Variants in POM121 observed in about 807,000 individuals in gnomAD.
POM121 encodes POM121 transmembrane nucleoporin.
Under a neutral mutation model 81.3 loss-of-function variants are expected in POM121, and 32 were observed. That is an observed-to-expected ratio of 0.39 (90% CI 0.30 to 0.53). The LOEUF (loss-of-function observed/expected upper bound fraction) is 0.53, where lower values mean the gene tolerates loss of function less well. POM121 is among the 20% of genes least tolerant of loss of function. The pLI, the probability that POM121 is intolerant of heterozygous loss-of-function variation, is 0.66. For synonymous variants in POM121, 514 were observed against 694.2 expected, an observed-to-expected ratio of 0.74 and a Z score of 4.08; for missense variants, 1,138 against 1,614.6, an observed-to-expected ratio of 0.70 and a Z score of 5.06.
chr7:72,943,407 C>T lies in POM121; in HGVS notation c.3414C>T (p.Ala1138=), dbSNP rs782049615. Residue 1138 remains alanine (A), a synonymous_variant, in exon 11 of 13, where the codon GCC becomes GCT. Coordinates refer to ENST00000434423, the MANE Select transcript of POM121 (RefSeq NM_001387691.1). ...GAGCAGGACAGAGTGGGAGCACAGC[C>T]ACCTCCACCCCCTTCGCAGGGGGCT... ...SFGAGQSGST[A]TSTPFAGGLG... is the part of the protein sequence containing the mutation. 3.1e-6 allele frequency: 5 copies of T among 1,613,336 alleles called. 1 individual carries two copies. The African/African-American group carries it at 4.0e-5, about 13-fold the overall frequency.
intron 5 of POM121, among the ~76,000 whole-genome samples, chr7:72,931,185 A>G (rs1795984301): frequency 6.6e-6 from 1 of 152,148 alleles, no homozygotes; most frequent in African/African-American, 2.4e-5. Flanking sequence ...TCTAGTTATT[A>G]TTTTTGATAT....
chr7:72,948,608 GT>G, downstream of POM121: 2 of 1,606,638 alleles, frequency 1.2e-6, no homozygotes, highest in Non-Finnish European at 1.7e-6. Context: ...CTAGAGAAAT[GT>G]AGATGTTAGA....
intron 3 of POM121, among the ~76,000 whole-genome samples, chr7:72,901,490 G>A (rs1432594428): frequency 6.6e-6 from 1 of 151,790 alleles, no homozygotes; most frequent in Non-Finnish European, 1.5e-5. Context: ...GAGTAGCTGG[G>A]ATTACAGGCG....
chr7:72,946,023 C>T, intron 12 of POM121, 114 bp from the exon 13 acceptor site: 2 of 1,477,294 alleles, frequency 1.4e-6, no homozygotes, highest in African/African-American at 2.8e-5. Context: ...CGGGGAAAGC[C>T]CTATTGAGGC....
intron 10 of POM121, among the ~76,000 whole-genome samples, 200 bp downstream of exon 10, chr7:72,941,193 TC>T (rs1423746066): frequency 6.6e-6 from 1 of 151,202 alleles, no homozygotes; most frequent in Non-Finnish European, 1.5e-5. Context: ...GCTGCGACGC[TC>T]AGGATCTGAA....
At chr7:72,939,790 A>G (rs1796883401) in intron 7 of POM121, 57 bp from the exon 8 acceptor site, 3 of 1,610,736 alleles carry the variant, frequency 1.9e-6, no homozygotes, top group Non-Finnish European at 2.5e-6. Context: ...GGGTAGACAC[A>G]ACCATCCATT....
chr7:72,908,204 C>T (rs2129576058), intron 3 of POM121, among the ~76,000 whole-genome samples: 1 of 152,312 alleles, frequency 6.6e-6, no homozygotes, highest in East Asian at 1.9e-4. Flanking sequence ...TTTCTATTTT[C>T]CCTAAGTGTC....
rs1797826956 is a variant in POM121, at chr7:72,948,195, A to C, written c.*1961A>C. The stretch of plus-strand genomic sequence containing the variant: ...GCGGGAGGCTGGGACTTTCCATTAC[A>C]AATAGAGACTTCATTCCTGTTGAGT... On this transcript the variant is annotated 3_prime_UTR_variant, in exon 13 of 13. Transcript: ENST00000434423. The C allele has an allele frequency of 6.9e-7, 1 of 1,441,198 alleles. No individual in the cohort carries two copies. The highest frequency in any genetic ancestry group is 2.5e-5 in the East Asian group (1 of 40,076). The allele number at this position is 1,441,198 out of a possible 1,614,324, so 89.3% of individuals were successfully genotyped here. A position where few individuals can be genotyped will look rare whatever the true frequency, so the allele number is the denominator to read the frequency against.
intron 11 of POM121, 21 bp from the exon 12 acceptor site, chr7:72,945,565 T>G (rs370030052): frequency 6.2e-7 from 1 of 1,613,154 alleles, no homozygotes; most frequent in Admixed American, 1.7e-5. Context: ...ACTGGCCAGC[T>G]CTCTGTTCTC....
Position 72,942,481 on chromosome 7 carries a change from TC to T in POM121, c.2489del (p.Ser830LeufsTer11). On this transcript the variant is annotated frameshift_variant, in exon 11 of 13. Coordinates refer to ENST00000434423, the MANE Select transcript of POM121 (RefSeq NM_001387691.1). LOFTEE classifies it high-confidence loss of function. ...CACCTCTGCCAGTCCATCCACAGAC[TC>T]TGCTTCGAAGCCTGCGTTTGGCTTT... is the stretch of plus-strand genomic sequence containing the variant. ...PITSASPSTD[S>X]ASKPAFGFGI... 7.8e-7 allele frequency: 1 copy of T among 1,287,368 alleles called. No individual in the cohort carries two copies. Among genetic ancestry groups the T allele is most frequent in the East Asian group, 2.5e-5 (1 of 40,266 alleles). The allele number at this position is 1,287,368 out of a possible 1,614,324, so 79.7% of individuals were successfully genotyped here.
Position 72,889,278 on chromosome 7 carries a change from G to T in POM121, c.-520-1349G>T, listed in dbSNP as rs534065622. Among the ~76,000 whole-genome samples the T allele has an allele frequency of 9.1e-3, 1,392 of 152,326 alleles. 23 individuals are homozygous for T. The highest frequency in any genetic ancestry group is 0.032 in the African/African-American group (1,341 of 41,574). On this transcript the variant is annotated intron_variant, in intron 1 of 15. Transcript: ENST00000395270. ...TAGTTTCTCAGCCCACCAGCCTAGC[G>T]GCTCTGCCTCTGCTATCTCTTGGGA...
exon 3 of POM121, chr7:72,891,044 A>G (rs1474775226): frequency 1.2e-6 from 1 of 851,506 alleles, no homozygotes; most frequent in East Asian, 2.4e-5. Flanking sequence ...AAACGTCATC[A>G]TTAAGTTGGA....
At chr7:72,882,634 CA>C (rs1340334641) in intron 1 of POM121, among the ~76,000 whole-genome samples, 5 of 151,944 alleles carry the variant, frequency 3.3e-5, no homozygotes, top group Admixed American at 1.3e-4. Context: ...TCCAAGTAAA[CA>C]ATTCTGTTTT....
chr7:72,926,581 C>A, intron 2 of POM121, 104 bp downstream of exon 2: 1 of 1,550,904 alleles, frequency 6.4e-7, no homozygotes, highest in South Asian at 1.2e-5. Context: ...AAGGACGAAG[C>A]TGCTTATTTG....
intron 4 of POM121, among the ~76,000 whole-genome samples, chr7:72,915,533 C>T (rs1277550247): frequency 2.0e-5 from 3 of 152,146 alleles, no homozygotes; most frequent in African/African-American, 4.8e-5. Context: ...CTACTACACC[C>T]GGCTAAATTT....
At chr7:72,949,553 C>T (rs561899213), downstream of POM121, 196 of 739,812 alleles carry the variant, frequency 2.6e-4, 2 homozygotes, top group South Asian at 3.2e-3. Context: ...GGGCCTGTCA[C>T]AGCTGACACA....
chr7:72,910,451 A>G (rs1563144537), intron 3 of POM121, among the ~76,000 whole-genome samples: 2 of 152,260 alleles, frequency 1.3e-5, no homozygotes, highest in Non-Finnish European at 2.9e-5. Context: ...GGGTTGGAGA[A>G]TCCTTGCTTC....
chr7:72,937,698 T>C (rs1239776198), intron 5 of POM121, among the ~76,000 whole-genome samples: 1 of 152,190 alleles, frequency 6.6e-6, no homozygotes, highest in East Asian at 1.9e-4. Context: ...GGTGACAGTT[T>C]AGTGGCTTTG....
chr7:72,936,627 G>T (rs1554499581), intron 5 of POM121, among the ~76,000 whole-genome samples: 2 of 152,050 alleles, frequency 1.3e-5, no homozygotes, highest in Non-Finnish European at 2.9e-5. Context: ...GGCCATGCTG[G>T]TCTGGAATTC....
Sources: allele counts gnomAD v4.1 joint callset (sites outside exome capture counted in the v4.1 genomes callset), GRCh38; gene constraint gnomAD v4.1.1; transcripts MANE v1.5; gene names NCBI Gene and HGNC (gene_info 2026-07-23, HGNC 2026-07-21).